Variants in EDA observed in about 807,000 individuals in gnomAD.
EDA encodes the protein ectodysplasin-A.
In EDA, 2 loss-of-function variants were observed where a neutral mutation model predicts 23.6. The ratio of observed to expected loss-of-function variants is 0.08; its 90% CI spans 0.03 to 0.27. EDA has a LOEUF of 0.27. Ranked by LOEUF, EDA falls within the 10% of genes least tolerant of loss-of-function variation. The pLI is 1.00. For missense variants in EDA, 229 were observed against 324.2 expected, an observed-to-expected ratio of 0.71 and a Z score of 2.26; for synonymous variants, 131 against 132.0, an observed-to-expected ratio of 0.99 and a Z score of 0.05.
At chrX:70,006,004 G>A (rs893668771) in intron 2 of EDA, among the ~76,000 whole-genome samples, 1 of 111,731 alleles carries the variant, frequency 9.0e-6, no homozygotes, top group African/African-American at 3.3e-5. Context: ...CTTTCACTTA[G>A]CAATATGCAT....
intron 1 of EDA, among the ~76,000 whole-genome samples, chrX:69,765,032 T>C (rs1173990470): frequency 8.9e-6 from 1 of 112,093 alleles, no homozygotes; most frequent in Non-Finnish European, 1.9e-5. Flanking sequence ...ATTCTTAAAC[T>C]GTTTAGCTTC....
At chrX:69,889,874 G>C (rs2017896724) in intron 1 of EDA, among the ~76,000 whole-genome samples, 1 of 111,538 alleles carries the variant, frequency 9.0e-6, no homozygotes, top group Admixed American at 9.6e-5. Context: ...AAGGTCATGA[G>C]ACTTCATATC....
At chrX:69,814,834 C>T (rs2016040463) in intron 1 of EDA, among the ~76,000 whole-genome samples, 1 of 111,851 alleles carries the variant, frequency 8.9e-6, no homozygotes, top group Non-Finnish European at 1.9e-5. Flanking sequence ...TGGATCTTTG[C>T]AACCCATGGA....
intron 1 of EDA, among the ~76,000 whole-genome samples, chrX:69,727,518 T>G (rs905418471): frequency 5.4e-5 from 6 of 112,112 alleles, no homozygotes; most frequent in African/African-American, 1.9e-4. Flanking sequence ...ATCTCTGGGG[T>G]CTCTTTATAA....
At position 70,023,258 on chromosome X, in the gene EDA, A is replaced by G. The variant is rs1265078217; in HGVS notation, c.526+17A>G. On this transcript the variant is annotated intron_variant, in intron 3 of 7. Coordinates refer to ENST00000374552, the MANE Select transcript of EDA (RefSeq NM_001399.5). ...AGAAAAAGGGTAAGTTCCTGACTTT[A>G]TAAAATTGCTGTCTTGTCATATATT... is the stretch of plus-strand genomic sequence containing the variant. The G allele has an allele frequency of 5.4e-6, 6 of 1,104,508 alleles. No homozygotes were observed. In the South Asian group the frequency reaches 1.2e-4, roughly 21 times the overall value. The allele number at this position is 1,104,508 out of a possible 1,213,427, so 91.0% of individuals were successfully genotyped here.
intron 1 of EDA, among the ~76,000 whole-genome samples, chrX:69,855,053 C>G (rs1394570076): frequency 9.0e-6 from 1 of 111,667 alleles, no homozygotes; most frequent in African/African-American, 3.3e-5. Context: ...TTGCATTTCC[C>G]TAATGATCAG....
intron 3 of EDA, among the ~76,000 whole-genome samples, chrX:70,027,372 G>A (rs1351983574): frequency 1.8e-5 from 2 of 111,334 alleles, no homozygotes; most frequent in African/African-American, 3.3e-5. Flanking sequence ...GGAGTGGGGG[G>A]AGGGGAGAGA....
intron 1 of EDA, among the ~76,000 whole-genome samples, chrX:69,935,828 C>T (rs192597685): frequency 6.6e-4 from 72 of 109,087 alleles, no homozygotes; most frequent in African/African-American, 2.3e-3. Context: ...AAATAGATTG[C>T]AAAGATATAC....
chrX:69,706,388 A>G (rs1195584541), intron 1 of EDA, among the ~76,000 whole-genome samples: 1 of 112,018 alleles, frequency 8.9e-6, no homozygotes, highest in Non-Finnish European at 1.9e-5. Flanking sequence ...AAGGTTAATA[A>G]ATTTAGAGTA....
chrX:69,696,772 T>TA (rs1447673652), intron 1 of EDA, among the ~76,000 whole-genome samples: 1 of 112,347 alleles, frequency 8.9e-6, no homozygotes, highest in Non-Finnish European at 1.9e-5. Flanking sequence ...TGCTTCTTCA[T>TA]AGAGTAGTTT....
intron 1 of EDA, among the ~76,000 whole-genome samples, chrX:69,946,492 T>C (rs1301324158): frequency 1.8e-5 from 2 of 112,033 alleles, no homozygotes; most frequent in Non-Finnish European, 3.8e-5. Context: ...AGTTGAACTC[T>C]AGTCTACAAT....
At chrX:70,035,235 C>CTGCCATGTGAAGTA in intron 7 of EDA, 123 bp from the exon 8 acceptor site, 1 of 823,100 alleles carries the variant, frequency 1.2e-6, no homozygotes, top group Non-Finnish European at 1.7e-6. Flanking sequence ...TCACATGGCA[C>CTGCCATGTGAAGTA]TGCCCCATCC....
intron 1 of EDA, among the ~76,000 whole-genome samples, chrX:69,709,963 A>G (rs1391393941): frequency 9.0e-6 from 1 of 111,622 alleles, no homozygotes; most frequent in Non-Finnish European, 1.9e-5. Context: ...TCACTCTAAT[A>G]GTAGTTTCTT....
At chrX:69,882,659 T>C (rs866299863) in intron 1 of EDA, among the ~76,000 whole-genome samples, 9 of 111,547 alleles carry the variant, frequency 8.1e-5, no homozygotes, top group Middle Eastern at 9.2e-3. Context: ...TCAGTGGAAA[T>C]ATACACTGGT....
chrX:69,658,367 A>C (rs145423284), intron 1 of EDA, among the ~76,000 whole-genome samples: 1 of 110,301 alleles, frequency 9.1e-6, no homozygotes, highest in African/African-American at 3.3e-5. Flanking sequence ...CTGAGGTCTT[A>C]TCAGATCTAG....
chrX:69,951,102 A>T (rs1363365602), intron 1 of EDA, among the ~76,000 whole-genome samples: 1 of 70,062 alleles, frequency 1.4e-5, no homozygotes, highest in Admixed American at 1.3e-4. Flanking sequence ...AATAATAAAT[A>T]AAAAAAGAAA....
intron 1 of EDA, among the ~76,000 whole-genome samples, chrX:69,653,885 C>CA (rs1392132369): frequency 9.0e-6 from 1 of 111,713 alleles, no homozygotes; most frequent in Non-Finnish European, 1.9e-5. Flanking sequence ...AGGACATAGG[C>CA]ATGGGCAAGG....
At chrX:69,735,335 T>C (rs1360899846) in intron 1 of EDA, among the ~76,000 whole-genome samples, 4 of 107,714 alleles carry the variant, frequency 3.7e-5, no homozygotes, top group African/African-American at 1.3e-4. Flanking sequence ...TTATTTAGCC[T>C]TAAAAGGGAA....
intron 1 of EDA, among the ~76,000 whole-genome samples, chrX:69,635,874 T>C (rs758502579): frequency 1.4e-4 from 15 of 110,688 alleles, no homozygotes; most frequent in Non-Finnish European, 2.6e-4. Context: ...CAATACTTAC[T>C]ACCTCAAAGG....
Sources: gnomAD v4.1 joint callset for allele counts (sites outside exome capture counted in the v4.1 genomes callset) on GRCh38, gnomAD v4.1.1 for gene constraint, MANE v1.5 for transcripts, NCBI Gene and HGNC (gene_info 2026-07-23, HGNC 2026-07-21) for gene names.